Variants in CCSER1 observed in about 807,000 individuals in gnomAD.
CCSER1 encodes the protein serine-rich coiled-coil domain-containing protein 1.
Under a neutral mutation model 82.0 loss-of-function variants are expected in CCSER1, and 41 were observed. The ratio of observed to expected loss-of-function variants is 0.50; its 90% confidence interval spans 0.39 to 0.65. The LOEUF (loss-of-function observed/expected upper bound fraction) is 0.65. CCSER1 is among the 30% of genes least tolerant of loss of function. CCSER1 has a pLI of 0.00. For synonymous variants in CCSER1, 414 were observed against 383.9 expected (o/e 1.08, Z -0.92); for missense variants, 1,119 against 1,064.2 (o/e 1.05, Z -0.72).
intron 10 of CCSER1, among the ~76,000 whole-genome samples, chr4:91,268,351 T>A (rs1003088970): frequency 7.2e-5 from 11 of 152,146 alleles, no homozygotes; most frequent in African/African-American, 2.7e-4. Flanking sequence ...CCCTTATAGG[T>A]TTTCACTTCT....
chr4:90,409,966 G>A (rs1451971598), intron 4 of CCSER1, among the ~76,000 whole-genome samples: 1 of 152,192 alleles, frequency 6.6e-6, no homozygotes, highest in African/African-American at 2.4e-5. Flanking sequence ...ACAAAAAAAG[G>A]CAGGGGTTGC....
intron 10 of CCSER1, among the ~76,000 whole-genome samples, chr4:91,546,264 G>A (rs1257346318): frequency 6.6e-6 from 1 of 152,070 alleles, no homozygotes; most frequent in Non-Finnish European, 1.5e-5. Context: ...GTAGAGTAAT[G>A]CTGACCTTAT....
At chr4:91,380,641 T>A (rs1434521282) in intron 10 of CCSER1, among the ~76,000 whole-genome samples, 1 of 152,218 alleles carries the variant, frequency 6.6e-6, no homozygotes, top group African/African-American at 2.4e-5. Context: ...TTTGTGTGTC[T>A]CTGCATGTGA....
intron 9 of CCSER1, among the ~76,000 whole-genome samples, chr4:90,978,186 G>T (rs372299475): frequency 5.9e-5 from 9 of 151,562 alleles, no homozygotes; most frequent in African/African-American, 2.2e-4. Context: ...CAAACTGTGT[G>T]GGGACAGACC....
intron 1 of CCSER1, among the ~76,000 whole-genome samples, chr4:90,283,120 TAACA>T (rs1445752890): frequency 6.6e-6 from 1 of 151,992 alleles, no homozygotes; most frequent in African/African-American, 2.4e-5. Flanking sequence ...TATCTAGTGA[TAACA>T]TGTTTTTCTA....
chr4:91,131,114 C>T lies in CCSER1; in HGVS notation c.2217+45120C>T, dbSNP rs1029609935. On this transcript the variant is annotated intron_variant, in intron 10 of 10. Transcript: ENST00000509176. ...TAGAGAAAACAGTGTTCCAGAGACA[C>T]TTATTATTTTTGTTCTAAAAAACAA... Among the ~76,000 whole-genome samples, 67 of 151,772 alleles carry T rather than the reference C, an allele frequency of 4.4e-4. 3 individuals are homozygous for T. The highest frequency in any genetic ancestry group is 8.8e-5 in the Non-Finnish European group (6 of 67,864).
chr4:91,041,303 G>A (rs1741935416), intron 9 of CCSER1, among the ~76,000 whole-genome samples: 1 of 152,090 alleles, frequency 6.6e-6, no homozygotes, highest in South Asian at 2.1e-4. Flanking sequence ...TGTCTGTACT[G>A]TTCTCCCACA....
chr4:91,082,548 A>G (rs1722888462), intron 9 of CCSER1, among the ~76,000 whole-genome samples: 1 of 152,208 alleles, frequency 6.6e-6, no homozygotes, highest in South Asian at 2.1e-4. Context: ...ACAGAAGCCA[A>G]AATTGACAAA....
intron 10 of CCSER1, among the ~76,000 whole-genome samples, chr4:91,133,065 A>G (rs1331169053): frequency 6.6e-6 from 1 of 152,190 alleles, no homozygotes; most frequent in African/African-American, 2.4e-5. Flanking sequence ...CTTAGTATTT[A>G]AAAGACTGAA....
intron 1 of CCSER1, among the ~76,000 whole-genome samples, chr4:90,180,391 C>T (rs554962060): frequency 2.0e-4 from 30 of 152,080 alleles, no homozygotes; most frequent in African/African-American, 6.7e-4. Flanking sequence ...GAGTTCGAGA[C>T]CAGACTGGCC....
At chr4:90,196,787 T>G (rs1409652329) in intron 1 of CCSER1, among the ~76,000 whole-genome samples, 1 of 151,708 alleles carries the variant, frequency 6.6e-6, no homozygotes, top group African/African-American at 2.4e-5. Flanking sequence ...GAAATGACAG[T>G]GAAATATGAG....
chr4:91,382,520 A>G (rs748250470), intron 10 of CCSER1, among the ~76,000 whole-genome samples: 20 of 152,186 alleles, frequency 1.3e-4, no homozygotes, highest in Non-Finnish European at 2.1e-4. Flanking sequence ...CATGGGATAT[A>G]ATCTCCTGGT....
At chr4:90,745,678 C>CTTTT (rs537380046) in intron 7 of CCSER1, among the ~76,000 whole-genome samples, 5 of 72,236 alleles carry the variant, frequency 6.9e-5, no homozygotes, top group South Asian at 6.4e-4. Context: ...TTTCTTTTAT[C>CTTTT]TTTTTTTTTT....
In CCSER1 at chr4:91,153,976, C is replaced by G. The variant is rs531272263; in HGVS notation, c.2217+67982C>G. ...TGGGTCAGGGACCCACTTGAGGAGG[C>G]AGTCTGTCCATCCTCAGATCTCAAA... On this transcript the variant is annotated intron_variant, in intron 10 of 10. Coordinates refer to ENST00000509176, the MANE Select transcript of CCSER1 (RefSeq NM_001145065.2). Among the ~76,000 whole-genome samples the G allele has an allele frequency of 7.0e-4, 106 of 152,086 alleles. 1 individual carries two copies. The South Asian group carries it at 0.016, about 23-fold the overall frequency.
intron 1 of CCSER1, among the ~76,000 whole-genome samples, chr4:90,155,093 T>C (rs1390637289): frequency 2.6e-5 from 4 of 152,078 alleles, no homozygotes; most frequent in Non-Finnish European, 5.9e-5. Flanking sequence ...GCATGAAGGG[T>C]TGTTGAATTT....
At chr4:91,442,050 G>A (rs1204744334) in intron 10 of CCSER1, among the ~76,000 whole-genome samples, 2 of 151,950 alleles carry the variant, frequency 1.3e-5, no homozygotes, top group Admixed American at 6.6e-5. Context: ...TACTGCCCAA[G>A]GTAATTTATA....
At chr4:91,203,302 GA>G (rs1312217993) in intron 10 of CCSER1, among the ~76,000 whole-genome samples, 1 of 151,832 alleles carries the variant, frequency 6.6e-6, no homozygotes, top group Non-Finnish European at 1.5e-5. Flanking sequence ...AATAAGGAAA[GA>G]TTTTTTTTCA....
chr4:91,423,164 G>A (rs1274919900), intron 10 of CCSER1, among the ~76,000 whole-genome samples: 1 of 151,800 alleles, frequency 6.6e-6, no homozygotes, highest in African/African-American at 2.4e-5. Flanking sequence ...TGTGGCTCAC[G>A]CCTGTAGTCC....
At chr4:90,806,870 T>TC (rs1313582442) in intron 7 of CCSER1, among the ~76,000 whole-genome samples, 2 of 151,896 alleles carry the variant, frequency 1.3e-5, no homozygotes, top group African/African-American at 2.4e-5. Flanking sequence ...CCTCTTCTTT[T>TC]TTTTTTTTCT....
Sources: gnomAD v4.1 joint callset for allele counts (sites outside exome capture counted in the v4.1 genomes callset) on GRCh38, gnomAD v4.1.1 for gene constraint, MANE v1.5 for transcripts, NCBI Gene and HGNC (gene_info 2026-07-23, HGNC 2026-07-21) for gene names.